Variants in PRMT8 observed in about 807,000 individuals in gnomAD.
PRMT8 encodes protein arginine N-methyltransferase 8.
A neutral mutation model predicts 47.1 loss-of-function variants in PRMT8; 7 were observed. The observed-to-expected ratio is 0.15, with a 90% CI of 0.08 to 0.28. The LOEUF (loss-of-function observed/expected upper bound fraction) is 0.28, where lower values mean the gene tolerates loss of function less well. Among genes scored for constraint, PRMT8 ranks in the 10% least tolerant of loss-of-function variants. The pLI is 1.00. For missense variants in PRMT8, 237 were observed against 505.4 expected (o/e 0.47, Z 5.09); for synonymous variants, 188 against 186.5 (o/e 1.01, Z -0.07).
At chr12:3,522,945 G>A (rs1217505195) in intron 1 of PRMT8, among the ~76,000 whole-genome samples, 8 of 152,084 alleles carry the variant, frequency 5.3e-5, no homozygotes, top group East Asian at 1.9e-4. Context: ...GGGTGGATGC[G>A]GTTAGAATTA....
rs187588296 is a variant in PRMT8 at position 3,493,597 on chromosome 12, G to C, written c.75+1897G>C. Among the ~76,000 whole-genome samples the C allele has an allele frequency of 1.3e-5, 2 of 152,112 alleles. No homozygotes were observed. Among genetic ancestry groups the C allele is most frequent in the Non-Finnish European group, 2.9e-5 (2 of 68,034 alleles). Reference sequence around the variant, plus strand: ...CTGCCAGGTTCCGCAGTGTGCAGCGGCGGCTGCTGCGCTCTCCCAGCCTCG... The same window carrying C: ...CTGCCAGGTTCCGCAGTGTGCAGCGCCGGCTGCTGCGCTCTCCCAGCCTCG... On this transcript the variant is annotated intron_variant, in intron 1 of 9. Coordinates refer to ENST00000382622, the MANE Select transcript of PRMT8 (RefSeq NM_019854.5). The surrounding 1 kb of genome is among the most constrained non-coding windows in gnomAD (Gnocchi z 8.2).
intron 1 of PRMT8, among the ~76,000 whole-genome samples, chr12:3,466,627 A>T (rs559213462): frequency 6.6e-6 from 1 of 152,344 alleles, no homozygotes; most frequent in African/African-American, 2.4e-5. Flanking sequence ...AAAAAAGAAA[A>T]GTTAGAGTAA....
intron 1 of PRMT8, among the ~76,000 whole-genome samples, chr12:3,494,113 CG>C (rs1865468209): frequency 6.6e-6 from 1 of 152,128 alleles, no homozygotes; most frequent in Non-Finnish European, 1.5e-5. Flanking sequence ...CACGCCTCCA[CG>C]TGTGTCAGTG....
At chr12:3,408,824 TCTTCAG>T (rs1471348692) in intron 1 of PRMT8, among the ~76,000 whole-genome samples, 1 of 152,208 alleles carries the variant, frequency 6.6e-6, no homozygotes, top group Non-Finnish European at 1.5e-5. Flanking sequence ...CTGTGCAGTT[TCTTCAG>T]CTGTAATCAA....
At chr12:3,423,466 A>T (rs1250969161) in intron 1 of PRMT8, among the ~76,000 whole-genome samples, 2 of 152,298 alleles carry the variant, frequency 1.3e-5, no homozygotes, top group Non-Finnish European at 2.9e-5. Flanking sequence ...ATAATATTGT[A>T]TGATTTTCTC....
upstream of PRMT8, among the ~76,000 whole-genome samples, chr12:3,490,572 A>C (rs1865372582): frequency 6.8e-6 from 1 of 147,704 alleles, no homozygotes; most frequent in African/African-American, 2.5e-5. Context: ...GCAGTCTCGC[A>C]TTTGACTTTC....
chr12:3,491,203 G>GAT lies in PRMT8; in HGVS notation c.-423_-422insAT. 2.0e-6 allele frequency: 2 copies of GAT among 996,288 alleles called. No individual in the cohort carries two copies. Among genetic ancestry groups the GAT allele is most frequent in the Non-Finnish European group, 2.4e-6 (2 of 837,124 alleles). The allele number at this position is 996,288 out of a possible 1,614,324, so 61.7% of individuals were successfully genotyped here. On this transcript the variant is annotated 5_prime_UTR_variant, in exon 1 of 10. Coordinates refer to ENST00000382622, the MANE Select transcript of PRMT8 (RefSeq NM_019854.5). The stretch of plus-strand genomic sequence containing the variant: ...AGGAGAGACGCGCAGGAAGCGTGTT[G>GAT]CTTCGCCCAGCGGATCGGCAGAAGT...
chr12:3,593,191 G>A lies in PRMT8; in HGVS notation c.*9G>A, dbSNP rs1244815102. The A allele has an allele frequency of 2.5e-6, 4 of 1,610,230 alleles. No homozygotes were observed. The highest frequency in any genetic ancestry group is 3.4e-6 in the Non-Finnish European group (4 of 1,177,114). ...ACTACAAAATGCGTTAGCACACGTG[G>A]GAAGCTGCAGAGAGCAACGAGAAAA... On this transcript the variant is annotated 3_prime_UTR_variant, in exon 10 of 10. Transcript: ENST00000382622. This position sits in a 1 kb window ranked among gnomAD's most constrained non-coding sequence, Gnocchi z 4.8.
rs754148479 is a variant in PRMT8, at chr12:3,491,685, G to T, written c.60G>T (p.Ala20=). The T allele has an allele frequency of 6.2e-7, 1 of 1,610,664 alleles. No homozygotes were observed. The highest frequency in any genetic ancestry group is 8.5e-7 in the Non-Finnish European group (1 of 1,179,576). ...LLLRRKMAEN[A]AESTEVNSPP... The stretch of plus-strand genomic sequence containing the variant: ...TGAGGAGGAAAATGGCGGAGAACGC[G>T]GCCGAGAGCACCGAGGTAAGGAGGC... The change falls in exon 1 of 10, where the codon GCG becomes GCT. Residue 20 remains alanine (A), a synonymous_variant. Transcript: ENST00000382622.
rs1866677057 is a variant in PRMT8 at position 3,563,934 on chromosome 12, C to CG, written c.482-4772_482-4771insG. Among the ~76,000 whole-genome samples, 5 of 152,074 alleles carry CG rather than the reference C, an allele frequency of 3.3e-5. No individual in the cohort carries two copies. In the South Asian group the frequency reaches 8.3e-4, roughly 25 times the overall value. On this transcript the variant is annotated intron_variant, in intron 4 of 9. Transcript: ENST00000382622. ...TTTTGTCTCTTAACCCAATGCCCCC[C>CG]ACCTTTTTTCCTTCAACATTGCTCA...
At position 3,453,452 on chromosome 12, in the gene PRMT8, G is replaced by T. The variant is rs531502689; in HGVS notation, c.48+72010G>T. Reference sequence around the variant, plus strand: ...CCCAGGCCAGCCCTGCCAAGTCTGAGTGAGTCCCCTGGAGGCTACTGCTGC... The same window carrying T: ...CCCAGGCCAGCCCTGCCAAGTCTGATTGAGTCCCCTGGAGGCTACTGCTGC... On this transcript the variant is annotated intron_variant, in intron 1 of 9. Transcript: ENST00000452611. The surrounding 1 kb of genome is among the most constrained non-coding windows in gnomAD (Gnocchi z 4.9). Among the ~76,000 whole-genome samples, 21 of 152,324 alleles carry T rather than the reference G, an allele frequency of 1.4e-4. No individual in the cohort carries two copies. Among genetic ancestry groups the T allele is most frequent in the African/African-American group, 4.1e-4 (17 of 41,560 alleles).
intron 8 of PRMT8, among the ~76,000 whole-genome samples, chr12:3,589,795 C>A (rs1867260056): frequency 6.6e-6 from 1 of 152,164 alleles, no homozygotes; most frequent in Admixed American, 6.5e-5. Flanking sequence ...GAGGCAGACC[C>A]CATGGCTGAC....
At chr12:3,403,563 A>G (rs569029008) in intron 1 of PRMT8, among the ~76,000 whole-genome samples, 1 of 152,086 alleles carries the variant, frequency 6.6e-6, no homozygotes, top group African/African-American at 2.4e-5. Context: ...GATGTTTATC[A>G]TGGTAATGTT....
intron 1 of PRMT8, among the ~76,000 whole-genome samples, chr12:3,474,110 C>T (rs917932380): frequency 6.6e-6 from 1 of 152,178 alleles, no homozygotes; most frequent in African/African-American, 2.4e-5. Context: ...CTGCCCTCCT[C>T]CAGCTTGAGA....
intron 8 of PRMT8, among the ~76,000 whole-genome samples, chr12:3,586,867 CTCT>C (rs1276913589): frequency 5.3e-5 from 8 of 152,204 alleles, no homozygotes; most frequent in African/African-American, 9.7e-5. Context: ...ACGTAGATCC[CTCT>C]TCTTGGCACA....
intron 1 of PRMT8, among the ~76,000 whole-genome samples, chr12:3,517,396 C>T (rs1784786432): frequency 1.3e-5 from 2 of 152,158 alleles, no homozygotes; most frequent in African/African-American, 4.8e-5. Flanking sequence ...CCGCTCTGTC[C>T]AGGTGTCCTG....
intron 1 of PRMT8, among the ~76,000 whole-genome samples, chr12:3,397,539 G>A (rs1314523288): frequency 6.6e-6 from 1 of 151,442 alleles, no homozygotes; most frequent in African/African-American, 2.4e-5. Context: ...CAGGGGTCAG[G>A]GACCCACTTG....
In PRMT8 at chr12:3,570,176, C is replaced by T. The variant is rs1866819772; in HGVS notation, c.712+612C>T. ...TAAACATGTATTCTTAATGCCTTAT[C>T]AGCTAGGCGTGTGTGGTTCTCTGAG... On this transcript the variant is annotated intron_variant, in intron 6 of 9. Transcript: ENST00000382622. This position sits in a 1 kb window ranked among gnomAD's most constrained non-coding sequence, Gnocchi z 5.5. Among the ~76,000 whole-genome samples the T allele has an allele frequency of 6.6e-6, 1 of 152,102 alleles. No homozygotes were observed. Among genetic ancestry groups the T allele is most frequent in the African/African-American group, 2.4e-5 (1 of 41,402 alleles).
In PRMT8 at chr12:3,580,347, T is replaced by C. The variant is rs1867035742; in HGVS notation, c.829-2711T>C. Among the ~76,000 whole-genome samples the C allele has an allele frequency of 6.7e-6, 1 of 149,488 alleles. No homozygotes were observed. Among genetic ancestry groups the C allele is most frequent in the Non-Finnish European group, 1.5e-5 (1 of 66,688 alleles). On this transcript the variant is annotated intron_variant, in intron 7 of 9. Coordinates refer to ENST00000382622, the MANE Select transcript of PRMT8 (RefSeq NM_019854.5). The surrounding 1 kb of genome is among the most constrained non-coding windows in gnomAD (Gnocchi z 4.6). The stretch of plus-strand genomic sequence containing the variant: ...TGGGGGGTGCGTGTGCGTGTGTGTG[T>C]GTGTGTGTGTGTGTGTGTGTACGCG...
Sources: gnomAD v4.1 joint callset for allele counts (sites outside exome capture counted in the v4.1 genomes callset) on GRCh38, gnomAD v4.1.1 for gene constraint, Gnocchi (gnomAD v3.1) non-coding constraint, MANE v1.5 for transcripts, NCBI Gene and HGNC (gene_info 2026-07-23, HGNC 2026-07-21) for gene names.